Variants in BIRC2 observed in about 807,000 individuals in gnomAD.
BIRC2 encodes the protein baculoviral IAP repeat containing 2, also known as baculoviral IAP repeat-containing protein 2.
Under a neutral mutation model 60.9 loss-of-function variants are expected in BIRC2, and 18 were observed. That is an observed-to-expected ratio of 0.30 (90% CI 0.20 to 0.44). The LOEUF (loss-of-function observed/expected upper bound fraction) is 0.44. Among genes scored for constraint, BIRC2 ranks in the 20% least tolerant of loss-of-function variants. The pLI is 1.00. For missense variants in BIRC2, 701 were observed against 728.5 expected (o/e 0.96, Z 0.43); for synonymous variants, 282 against 247.7 (o/e 1.14, Z -1.30).
intron 3 of BIRC2, among the ~76,000 whole-genome samples, chr11:102,359,953 GGTTT>G (rs1244640586): frequency 6.7e-6 from 1 of 150,362 alleles, no homozygotes; most frequent in Non-Finnish European, 1.5e-5. Flanking sequence ...TGAATTCTCG[GGTTT>G]GTTTTTCATT....
intron 3 of BIRC2, among the ~76,000 whole-genome samples, chr11:102,362,253 CT>C (rs34817116): frequency 2.6e-4 from 39 of 151,508 alleles, no homozygotes; most frequent in Admixed American, 1.1e-3. Context: ...GTCAGTGTTC[CT>C]TTTTTTTAAC....
chr11:102,374,329 T>C (rs539102612), intron 6 of BIRC2, among the ~76,000 whole-genome samples: 2 of 150,524 alleles, frequency 1.3e-5, no homozygotes, highest in African/African-American at 2.5e-5. Context: ...ATGATGGTGA[T>C]GTACAGATGG....
At chr11:102,363,376 C>A (rs1219729927) in intron 4 of BIRC2, among the ~76,000 whole-genome samples, 1 of 152,136 alleles carries the variant, frequency 6.6e-6, no homozygotes, top group East Asian at 1.9e-4. Flanking sequence ...GGAGCTGAGA[C>A]CCTTGGAGAG....
intron 6 of BIRC2, among the ~76,000 whole-genome samples, 176 bp downstream of exon 6, chr11:102,368,724 A>G (rs1482500278): frequency 6.6e-6 from 1 of 152,100 alleles, no homozygotes; most frequent in African/African-American, 2.4e-5. Context: ...GTTGAGAACC[A>G]TTGACTGCCG....
At chr11:102,358,182 T>C (rs1951444921) in intron 3 of BIRC2, among the ~76,000 whole-genome samples, 1 of 152,192 alleles carries the variant, frequency 6.6e-6, no homozygotes, top group Non-Finnish European at 1.5e-5. Context: ...ATTTTTCTTG[T>C]GTGCTTAAGA....
intron 1 of BIRC2, chr11:102,347,756 A>G (rs1450156883): frequency 1.3e-5 from 2 of 152,040 alleles, no homozygotes; most frequent in East Asian, 1.9e-4. Context: ...GGTGGCGGCG[A>G]TATTTCATAT....
intron 6 of BIRC2, among the ~76,000 whole-genome samples, chr11:102,372,498 G>A (rs1951645558): frequency 6.6e-6 from 1 of 152,120 alleles, no homozygotes; most frequent in Admixed American, 6.5e-5. Context: ...TCTTAATCCT[G>A]AGTTCTAGTT....
At chr11:102,354,859 TTTCATGTACCTG>T (rs1437187711) in intron 3 of BIRC2, among the ~76,000 whole-genome samples, 3 of 152,260 alleles carry the variant, frequency 2.0e-5, no homozygotes, top group Admixed American at 1.3e-4. Context: ...TTGAACACCT[TTTCATGTACCTG>T]TTGGCCATTT....
intron 3 of BIRC2, among the ~76,000 whole-genome samples, chr11:102,354,647 A>G (rs1342481897): frequency 2.6e-5 from 4 of 152,158 alleles, no homozygotes; most frequent in African/African-American, 9.7e-5. Context: ...TGCTAATTCT[A>G]TTTTTAGTTT....
chr11:102,362,143 A>C (rs1158330125), intron 3 of BIRC2, among the ~76,000 whole-genome samples: 1 of 152,208 alleles, frequency 6.6e-6, no homozygotes, highest in Non-Finnish European at 1.5e-5. Flanking sequence ...ATGTAAAGAC[A>C]AATAAAGACA....
chr11:102,375,033 G>A (rs1360743560), intron 6 of BIRC2, among the ~76,000 whole-genome samples: 1 of 152,176 alleles, frequency 6.6e-6, no homozygotes, highest in African/African-American at 2.4e-5. Flanking sequence ...GTTTGCACAC[G>A]GTGCGCGCAC....
chr11:102,351,654 A>G (rs992895355), intron 3 of BIRC2, among the ~76,000 whole-genome samples: 2 of 148,772 alleles, frequency 1.3e-5, no homozygotes, highest in Non-Finnish European at 3.0e-5. Context: ...AGCATATCTG[A>G]CTGCCCATTT....
intron 6 of BIRC2, among the ~76,000 whole-genome samples, chr11:102,374,241 G>A (rs183650235): frequency 6.6e-5 from 10 of 151,532 alleles, no homozygotes; most frequent in East Asian, 5.8e-4. Flanking sequence ...GAGGAGAGGC[G>A]CTCTGCGTTT....
intron 3 of BIRC2, among the ~76,000 whole-genome samples, chr11:102,361,966 C>G (rs1951489999): frequency 6.6e-6 from 1 of 151,282 alleles, no homozygotes; most frequent in African/African-American, 2.4e-5. Context: ...GTCTCCTAGT[C>G]TGCTGTCTTG....
At chr11:102,351,151 A>G (rs1261879653) in intron 3 of BIRC2, among the ~76,000 whole-genome samples, 3 of 152,232 alleles carry the variant, frequency 2.0e-5, no homozygotes, top group African/African-American at 7.2e-5. Flanking sequence ...AGTCAGTTAC[A>G]AGTATGACCG....
chr11:102,360,148 G>T (rs971898415), intron 3 of BIRC2, among the ~76,000 whole-genome samples: 1 of 151,890 alleles, frequency 6.6e-6, no homozygotes, highest in African/African-American at 2.4e-5. Flanking sequence ...TGTATTTTTA[G>T]TAGAGACGGG....
chr11:102,358,805 T>C (rs1951452699), intron 3 of BIRC2, among the ~76,000 whole-genome samples: 1 of 152,230 alleles, frequency 6.6e-6, no homozygotes, highest in African/African-American at 2.4e-5. Flanking sequence ...TCTCTTTTGG[T>C]TTCCATTTGC....
intron 5 of BIRC2, among the ~76,000 whole-genome samples, chr11:102,365,178 G>C (rs937959553): frequency 1.3e-5 from 2 of 152,042 alleles, no homozygotes; most frequent in African/African-American, 4.8e-5. Context: ...CTTTTCTAAG[G>C]CCATTACTTC....
chr11:102,369,122 G>A (rs533820410), intron 6 of BIRC2, among the ~76,000 whole-genome samples: 1 of 150,686 alleles, frequency 6.6e-6, no homozygotes, highest in African/African-American at 2.4e-5. Context: ...AGTATTTTGA[G>A]TAATCATTTA....
Sources: allele counts gnomAD v4.1 joint callset (sites outside exome capture counted in the v4.1 genomes callset), GRCh38; gene constraint gnomAD v4.1.1; transcripts MANE v1.5; gene names NCBI Gene and HGNC (gene_info 2026-07-23, HGNC 2026-07-21).